DOCK2: variants seen among roughly 807,000 people sequenced by gnomAD.
The protein encoded by DOCK2 is dedicator of cytokinesis 2, also known as dedicator of cytokinesis protein 2.
In DOCK2, 87 loss-of-function variants were observed where a neutral mutation model predicts 248.9. The observed-to-expected ratio is 0.35, with a 90% CI of 0.29 to 0.42. DOCK2 has a LOEUF of 0.42. Ranked by LOEUF, DOCK2 falls within the 10% of genes least tolerant of loss-of-function variation. DOCK2 has a pLI of 1.00. For missense variants in DOCK2, 1,747 were observed against 2,300.2 expected (o/e 0.76, Z 4.92); for synonymous variants, 805 against 821.6 (o/e 0.98, Z 0.35).
chr5:169,884,081 G>A, intron 27 of DOCK2: 1 of 460,120 alleles, frequency 2.2e-6, no homozygotes, highest in East Asian at 3.1e-5. Flanking sequence ...AGTCTACGTA[G>A]GAACTATCTG....
intron 1 of DOCK2, among the ~76,000 whole-genome samples, chr5:169,648,727 C>A (rs1293002168): frequency 6.6e-6 from 1 of 152,208 alleles, no homozygotes; most frequent in Non-Finnish European, 1.5e-5. Flanking sequence ...ACACCCACCC[C>A]AAGAACTGCA....
At chr5:169,704,546 G>A (rs544062758) in intron 14 of DOCK2, among the ~76,000 whole-genome samples, 2 of 152,224 alleles carry the variant, frequency 1.3e-5, no homozygotes, top group South Asian at 4.2e-4. Flanking sequence ...TGTGATCTTA[G>A]GCAAGTTTAT....
At chr5:170,082,767 G>A (rs1199441187) in intron 51 of DOCK2, 29 bp from the exon 52 acceptor site, 7 of 1,613,894 alleles carry the variant, frequency 4.3e-6, no homozygotes, top group South Asian at 1.1e-5. Flanking sequence ...ATCGCATCTT[G>A]GTTTTGTGCT....
intron 27 of DOCK2, among the ~76,000 whole-genome samples, chr5:169,959,373 GAA>G (rs796836948): frequency 7.4e-6 from 1 of 135,328 alleles, no homozygotes; most frequent in African/African-American, 2.6e-5. Flanking sequence ...CGTCTCAAAA[GAA>G]AAAAAAAAAA....
At chr5:169,984,256 TC>T (rs1221161171) in intron 28 of DOCK2, among the ~76,000 whole-genome samples, 1 of 152,074 alleles carries the variant, frequency 6.6e-6, no homozygotes. Flanking sequence ...AAGCCACTCT[TC>T]CCATCTATGA....
chr5:170,010,324 C>G (rs1348370662), intron 32 of DOCK2, among the ~76,000 whole-genome samples: 1 of 152,166 alleles, frequency 6.6e-6, no homozygotes, highest in African/African-American at 2.4e-5. Flanking sequence ...TCTTTTGTTT[C>G]TCCACTCTGG....
At position 169,803,320 on chromosome 5, in the gene DOCK2, G is replaced by A. The variant is rs376074230; in HGVS notation, c.2703+114G>A. ...CTGGAGTCTAAAGATAAAAGTCAAC[G>A]GCTTGCTCAGCAGGCCTACTTTTCC... is the stretch of plus-strand genomic sequence containing the variant. On this transcript the variant is annotated intron_variant, in intron 26 of 51. Transcript: ENST00000520908. 65 of 1,398,322 alleles carry A rather than the reference G, an allele frequency of 4.6e-5. No individual in the cohort carries two copies. The East Asian group carries it at 5.3e-4, about 11-fold the overall frequency. 86.6% of individuals were successfully genotyped at this position (1,398,322 alleles called of 1,614,324 possible).
At chr5:169,859,867 C>T (rs558881121) in intron 27 of DOCK2, among the ~76,000 whole-genome samples, 5 of 152,050 alleles carry the variant, frequency 3.3e-5, no homozygotes, top group African/African-American at 1.2e-4. Context: ...TCCCGGAGTG[C>T]TGTGCTGTAT....
chr5:169,701,905 T>C (rs1043210323), intron 13 of DOCK2, among the ~76,000 whole-genome samples: 1 of 152,174 alleles, frequency 6.6e-6, no homozygotes, highest in African/African-American at 2.4e-5. Flanking sequence ...GGAAAGTTGC[T>C]CTATTCTGCT....
intron 6 of DOCK2, among the ~76,000 whole-genome samples, chr5:169,680,806 C>T (rs1759617159): frequency 6.6e-6 from 1 of 152,130 alleles, no homozygotes; most frequent in East Asian, 1.9e-4. Flanking sequence ...CCTACCTGTC[C>T]CCACAGATAA....
At chr5:169,786,472 A>T (rs1863994) in intron 25 of DOCK2, among the ~76,000 whole-genome samples, 1 of 152,076 alleles carries the variant, frequency 6.6e-6, no homozygotes, top group African/African-American at 2.4e-5. Flanking sequence ...GATGAAACCG[A>T]GCTGAAATGA....
chr5:169,645,677 G>A (rs1331274744), intron 1 of DOCK2, among the ~76,000 whole-genome samples: 1 of 152,152 alleles, frequency 6.6e-6, no homozygotes, highest in Non-Finnish European at 1.5e-5. Flanking sequence ...TGGTGTTTTT[G>A]TCATGAAGTC....
intron 25 of DOCK2, among the ~76,000 whole-genome samples, chr5:169,785,188 T>A (rs1260744329): frequency 6.6e-6 from 1 of 152,218 alleles, no homozygotes; most frequent in Non-Finnish European, 1.5e-5. Flanking sequence ...CAATCTAATT[T>A]CAGTATGGAG....
intron 27 of DOCK2, among the ~76,000 whole-genome samples, chr5:169,868,150 GCTCTGGGC>G (rs1771717527): frequency 6.6e-6 from 1 of 152,188 alleles, no homozygotes. Flanking sequence ...AGTCCATCCT[GCTCTGGGC>G]CTGACACTGT....
At chr5:169,801,183 G>A (rs1332574340) in intron 25 of DOCK2, among the ~76,000 whole-genome samples, 1 of 66,006 alleles carries the variant, frequency 1.5e-5, no homozygotes, top group Non-Finnish European at 3.1e-5. Context: ...TTTTTTTTTA[G>A]TAGACTTGGG....
At chr5:169,969,631 C>T (rs1304127861) in intron 27 of DOCK2, among the ~76,000 whole-genome samples, 1 of 152,058 alleles carries the variant, frequency 6.6e-6, no homozygotes, top group Non-Finnish European at 1.5e-5. Context: ...AGGGGAGTGG[C>T]GGAGGCTGTA....
intron 33 of DOCK2, among the ~76,000 whole-genome samples, chr5:170,024,463 T>C (rs1755836993): frequency 6.7e-6 from 1 of 149,338 alleles, no homozygotes; most frequent in African/African-American, 2.5e-5. Context: ...GACATTCTTC[T>C]CCCTTGGCTG....
At chr5:169,944,266 C>T (rs1033497530) in intron 27 of DOCK2, among the ~76,000 whole-genome samples, 4 of 152,184 alleles carry the variant, frequency 2.6e-5, no homozygotes, top group African/African-American at 9.7e-5. Flanking sequence ...CTGTGACCTG[C>T]CCATGCACAG....
At position 169,711,800 on chromosome 5, in the gene DOCK2, C is replaced by T. The variant is rs1581077501; in HGVS notation, c.1483-135C>T. ...TGTAATTTATTTACAGTTCATCAGC[C>T]TCAATGGATGGGTTGTAAATCAGCA... On this transcript the variant is annotated intron_variant, in intron 15 of 51. Coordinates refer to ENST00000520908, the MANE Select transcript of DOCK2 (RefSeq NM_004946.3). 2.3e-5 allele frequency: 19 copies of T among 814,940 alleles called. No individual in the cohort carries two copies. In the East Asian group the frequency reaches 4.8e-4, roughly 21 times the overall value. 50.5% of individuals were successfully genotyped at this position (814,940 alleles called of 1,614,324 possible).
Sources: gnomAD v4.1 joint callset for allele counts (sites outside exome capture counted in the v4.1 genomes callset) on GRCh38, gnomAD v4.1.1 for gene constraint, MANE v1.5 for transcripts, NCBI Gene and HGNC (gene_info 2026-07-23, HGNC 2026-07-21) for gene names.